The following CFAP161 variants were observed in gnomAD, a reference collection of about 807,000 sequenced individuals.
CFAP161 encodes cilia- and flagella-associated protein 161.
Under a neutral mutation model 29.0 loss-of-function variants are expected in CFAP161, and 25 were observed. The ratio of observed to expected loss-of-function variants is 0.86; its 90% confidence interval spans 0.63 to 1.20. The LOEUF (loss-of-function observed/expected upper bound fraction) is 1.20. CFAP161 is among the 50% of genes most tolerant of loss of function. The pLI, the probability that CFAP161 is intolerant of heterozygous loss-of-function variation, is 0.00. For synonymous variants in CFAP161, 116 were observed against 137.4 expected (o/e 0.84, Z 1.09); for missense variants, 367 against 371.9 (o/e 0.99, Z 0.11).
intron 5 of CFAP161, among the ~76,000 whole-genome samples, chr15:81,147,351 A>G (rs1005567324): frequency 1.3e-5 from 2 of 152,082 alleles, no homozygotes; most frequent in East Asian, 1.9e-4. Flanking sequence ...GGGAAAAAGC[A>G]TGGACCACCG....
intron 1 of CFAP161, among the ~76,000 whole-genome samples, chr15:81,106,395 C>T (rs1372901384): frequency 6.6e-6 from 1 of 152,212 alleles, no homozygotes; most frequent in African/African-American, 2.4e-5. Flanking sequence ...TGGTCTCGAT[C>T]TCCTGACCTC....
At chr15:81,136,150 CAT>C (rs1323053932) in intron 2 of CFAP161, among the ~76,000 whole-genome samples, 1 of 152,124 alleles carries the variant, frequency 6.6e-6, no homozygotes, top group African/African-American at 2.4e-5. Context: ...ATTTTAGAAA[CAT>C]AAACAGTCTG....
In CFAP161 at chr15:81,147,870, A is replaced by AT; in HGVS notation, c.651dup (p.Leu218SerfsTer28). The AT allele has an allele frequency of 6.2e-7, 1 of 1,608,344 alleles. No homozygotes were observed. Among genetic ancestry groups the AT allele is most frequent in the Non-Finnish European group, 8.5e-7 (1 of 1,178,002 alleles). ...TTTATCTGTTAAGGCAAATGCTAAA[A>AT]TTCTCATCAATCACTGTCACACAAA... On this transcript the variant is annotated frameshift_variant, in exon 6 of 7. Coordinates refer to ENST00000286732, the MANE Select transcript of CFAP161 (RefSeq NM_173528.4). LOFTEE classifies it high-confidence loss of function.
intron 1 of CFAP161, among the ~76,000 whole-genome samples, chr15:81,123,917 A>G (rs1894607002): frequency 6.6e-6 from 1 of 152,228 alleles, no homozygotes; most frequent in Non-Finnish European, 1.5e-5. Flanking sequence ...GAAGTTGATT[A>G]TAAGCTTAAG....
intron 1 of CFAP161, among the ~76,000 whole-genome samples, chr15:81,121,671 A>G (rs1894575377): frequency 6.6e-6 from 1 of 152,194 alleles, no homozygotes; most frequent in Non-Finnish European, 1.5e-5. Flanking sequence ...GATCAGAACT[A>G]TTTTATAAGT....
At chr15:81,121,299 C>T (rs1894569698) in intron 1 of CFAP161, among the ~76,000 whole-genome samples, 2 of 152,074 alleles carry the variant, frequency 1.3e-5, no homozygotes. Context: ...ATTCTCTTTT[C>T]TTTTTCATGT....
Position 81,101,180 on chromosome 15 carries a change from G to A in CFAP161, c.-141-26410G>A, listed in dbSNP as rs563009126. Among the ~76,000 whole-genome samples, 12 of 152,264 alleles carry A rather than the reference G, an allele frequency of 7.9e-5. No homozygotes were observed. In the East Asian group the frequency reaches 1.7e-3, roughly 22 times the overall value. On this transcript the variant is annotated intron_variant, in intron 1 of 4. Coordinates refer to the CFAP161 transcript ENST00000560091. ...CTAATCAGGAATAGGCAGAGGTAGT[G>A]TTGAGGCAGAGGCCTAGAAGCCCCT...
intron 1 of CFAP161, among the ~76,000 whole-genome samples, chr15:81,120,160 C>G (rs1485056179): frequency 2.6e-5 from 4 of 152,158 alleles, no homozygotes; most frequent in Non-Finnish European, 5.9e-5. Flanking sequence ...TGTGATTGCT[C>G]TTCCTTAGGT....
At chr15:81,148,242 C>T (rs145960578) in intron 6 of CFAP161, 96 bp from the exon 7 acceptor site, 414 of 1,233,708 alleles carry the variant, frequency 3.4e-4, no homozygotes, top group Non-Finnish European at 4.3e-4. Flanking sequence ...TCTAGCAATC[C>T]GCTTCTTAAG....
chr15:81,121,933 T>G (rs1407864691), intron 1 of CFAP161, among the ~76,000 whole-genome samples: 1 of 152,278 alleles, frequency 6.6e-6, no homozygotes, highest in East Asian at 1.9e-4. Context: ...GTTCTCATCA[T>G]TTAGCTCCTG....
At chr15:81,099,958 T>G (rs1894283575) in intron 1 of CFAP161, among the ~76,000 whole-genome samples, 1 of 152,180 alleles carries the variant, frequency 6.6e-6, no homozygotes, top group Admixed American at 6.5e-5. Flanking sequence ...TCCATTTGTT[T>G]CATCACCTAT....
chr15:81,145,571 G>T (rs889696615), intron 5 of CFAP161, among the ~76,000 whole-genome samples: 1 of 152,108 alleles, frequency 6.6e-6, no homozygotes, highest in African/African-American at 2.4e-5. Context: ...AGTGTTCCAG[G>T]CACCAGGAGT....
chr15:81,112,869 C>T (rs376096540), intron 1 of CFAP161, among the ~76,000 whole-genome samples: 17 of 152,042 alleles, frequency 1.1e-4, no homozygotes, highest in African/African-American at 2.7e-4. Flanking sequence ...ACTTTTAAAG[C>T]GAGGTGAGTG....
chr15:81,148,008 A>G (rs1419322930), intron 6 of CFAP161, 77 bp downstream of exon 6: 16 of 1,177,350 alleles, frequency 1.4e-5, no homozygotes, highest in Non-Finnish European at 1.7e-5. Flanking sequence ...AGCTCAATTG[A>G]TAGTGTATGG....
chr15:81,120,299 A>G (rs993794287), intron 1 of CFAP161, among the ~76,000 whole-genome samples: 2 of 152,230 alleles, frequency 1.3e-5, no homozygotes, highest in Non-Finnish European at 2.9e-5. Flanking sequence ...AGGAGAATGC[A>G]TGGCTCTTAG....
chr15:81,141,830 A>G (rs1411521235), intron 4 of CFAP161, among the ~76,000 whole-genome samples: 1 of 151,748 alleles, frequency 6.6e-6, no homozygotes, highest in Admixed American at 6.6e-5. Context: ...GATTACAGGC[A>G]CCTGCCACCA....
In CFAP161 at chr15:81,103,554, TC is replaced by T. The variant is rs201865182; in HGVS notation, c.-141-24034del. ...ATAGAATAGCTGACCACCTGGAGGT[TC>T]CTGGAGGGTGGTGTGCCCAGGAAGG... On this transcript the variant is annotated intron_variant, in intron 1 of 4. Transcript: ENST00000560091. Among the ~76,000 whole-genome samples the T allele has an allele frequency of 9.0e-3, 1,369 of 152,292 alleles. 20 individuals carry two copies. Among genetic ancestry groups the T allele is most frequent in the African/African-American group, 0.032 (1,312 of 41,554 alleles).
chr15:81,103,510 G>C (rs1894326752), intron 1 of CFAP161, among the ~76,000 whole-genome samples: 3 of 152,168 alleles, frequency 2.0e-5, no homozygotes. Flanking sequence ...AGAGGACTGT[G>C]AATTTGGGGA....
At chr15:81,116,566 G>A (rs1424552443) in intron 1 of CFAP161, among the ~76,000 whole-genome samples, 2 of 152,200 alleles carry the variant, frequency 1.3e-5, no homozygotes, top group South Asian at 2.1e-4. Flanking sequence ...CAAAGTGCTG[G>A]GATTACAGGC....
Sources: allele counts gnomAD v4.1 joint callset (sites outside exome capture counted in the v4.1 genomes callset), GRCh38; gene constraint gnomAD v4.1.1; transcripts MANE v1.5; gene names NCBI Gene and HGNC (gene_info 2026-07-23, HGNC 2026-07-21).